CRYBG3: variants seen among roughly 807,000 people sequenced by gnomAD.
The protein encoded by CRYBG3 is very large A-kinase anchor protein.
CRYBG3 carries 127 observed loss-of-function variants against 244.2 expected under a neutral mutation model. The ratio of observed to expected loss-of-function variants is 0.52; its 90% confidence interval spans 0.45 to 0.60. The LOEUF is 0.60. Ranked by LOEUF, CRYBG3 falls within the 20% of genes least tolerant of loss-of-function variation. The probability of loss-of-function intolerance (pLI) is 0.00; values close to 1 mark genes in which losing one functional copy is unlikely to be tolerated. For missense variants in CRYBG3, 3,325 were observed against 3,442.5 expected (o/e 0.97, Z 0.85); for synonymous variants, 1,132 against 1,195.8 (o/e 0.95, Z 1.10).
intron 17 of CRYBG3, among the ~76,000 whole-genome samples, chr3:97,923,922 G>A (rs534040348): frequency 2.0e-5 from 3 of 152,188 alleles, no homozygotes; most frequent in South Asian, 4.2e-4. Context: ...CTTTTAGGGG[G>A]TAGAGGTGGG....
In CRYBG3 at chr3:97,874,163, T is replaced by A; in HGVS notation, c.2969T>A (p.Leu990Ter). The A allele has an allele frequency of 6.5e-7, 1 of 1,531,446 alleles. No individual in the cohort carries two copies. The highest frequency in any genetic ancestry group is 1.2e-5 in the South Asian group (1 of 82,648). 94.9% of individuals were successfully genotyped at this position (1,531,446 alleles called of 1,614,324 possible). The change falls in exon 4 of 22, where the codon TTA (leucine) becomes TAA (stop). Residue 990 changes from leucine (L) to a stop codon, truncating the protein, a stop_gained. Transcript: ENST00000389622. LOFTEE classifies it high-confidence loss of function. ...SGHSEMAELS[L>*]TNISPKFQET... ...CACTCAGAAATGGCGGAACTCAGCT[T>A]AACTAATATTTCCCCTAAATTCCAA... is the stretch of plus-strand genomic sequence containing the variant.
At chr3:97,830,164 G>A (rs192272098) in intron 1 of CRYBG3, among the ~76,000 whole-genome samples, 91 of 152,296 alleles carry the variant, frequency 6.0e-4, no homozygotes, top group Middle Eastern at 3.4e-3. Flanking sequence ...GCCAAGTGCT[G>A]TACTATGGTT....
chr3:97,863,943 GCT>G (rs1228827468), intron 2 of CRYBG3, among the ~76,000 whole-genome samples: 1 of 152,048 alleles, frequency 6.6e-6, no homozygotes, highest in African/African-American at 2.4e-5. Context: ...TACCTTCTGT[GCT>G]CTCACTTCTA....
intron 10 of CRYBG3, among the ~76,000 whole-genome samples, chr3:97,890,912 T>G (rs2039568732): frequency 6.6e-6 from 1 of 152,152 alleles, no homozygotes; most frequent in Non-Finnish European, 1.5e-5. Context: ...ACTATTCCAA[T>G]CCAAATTTGA....
At position 97,892,770 on chromosome 3, in the gene CRYBG3, T is replaced by C. The variant is rs182037022; in HGVS notation, c.7441-90T>C. ...CTCATATTAATTAAAAAAAAATAGATAGTAGTCCCTGTACATTTTGTGGTC... is the reference window on the plus strand; with the variant it reads ...CTCATATTAATTAAAAAAAAATAGACAGTAGTCCCTGTACATTTTGTGGTC... On this transcript the variant is annotated intron_variant, in intron 10 of 21. Coordinates refer to ENST00000389622, the MANE Select transcript of CRYBG3 (RefSeq NM_153605.4). 1.9e-4 allele frequency: 109 copies of C among 588,796 alleles called. No homozygotes were observed. In the Middle Eastern group the frequency reaches 8.5e-3, roughly 46 times the overall value. The allele number at this position is 588,796 out of a possible 1,614,324, so 36.5% of individuals were successfully genotyped here.
At chr3:97,895,836 C>A in intron 11 of CRYBG3, 123 bp from the exon 12 acceptor site, 2 of 789,746 alleles carry the variant, frequency 2.5e-6, no homozygotes, top group Non-Finnish European at 4.0e-6. Context: ...TGAAACAAAA[C>A]TAATGTGTTG....
intron 12 of CRYBG3, among the ~76,000 whole-genome samples, chr3:97,897,728 C>T (rs889618907): frequency 3.3e-5 from 5 of 152,130 alleles, no homozygotes; most frequent in Admixed American, 6.5e-5. Flanking sequence ...GTAAATAATG[C>T]ATTTTTGCAT....
intron 2 of CRYBG3, among the ~76,000 whole-genome samples, chr3:97,849,490 G>A (rs1177687073): frequency 6.6e-6 from 1 of 152,108 alleles, no homozygotes. Flanking sequence ...AATGCGCTGT[G>A]TGTTACTGTG....
chr3:97,872,507 C>G lies in CRYBG3; in HGVS notation c.1313C>G (p.Ser438Cys). The part of the protein sequence containing the change: ...EPQGPAISDF[S>C]CSKSDGSDTT... ...CAGGGCCCTGCTATTTCTGATTTCT[C>G]TTGTAGTAAATCTGATGGGAGTGAC... Residue 438 changes from serine to cysteine, a missense_variant, in exon 4 of 22, where the codon TCT (serine) becomes TGT (cysteine). By Grantham distance (112) the Ser-to-Cys change is moderately radical (BLOSUM62 -1). Transcript: ENST00000389622. 2 of 1,535,946 alleles carry G rather than the reference C, an allele frequency of 1.3e-6. No homozygotes were observed. The highest frequency in any genetic ancestry group is 1.7e-6 in the Non-Finnish European group (2 of 1,146,802).
At chr3:97,930,327 A>C (rs748052928) in intron 17 of CRYBG3, among the ~76,000 whole-genome samples, 1 of 152,020 alleles carries the variant, frequency 6.6e-6, no homozygotes, top group African/African-American at 2.4e-5. Context: ...ACTTTCTAAA[A>C]ATCTTGAGAG....
At chr3:97,865,266 G>A (rs1217290476) in intron 3 of CRYBG3, among the ~76,000 whole-genome samples, 1 of 152,024 alleles carries the variant, frequency 6.6e-6, no homozygotes, top group Non-Finnish European at 1.5e-5. Context: ...TCAATATTTT[G>A]TGTGACATAA....
Position 97,896,045 on chromosome 3 carries a change from C to T in CRYBG3, c.7661C>T (p.Ala2554Val), listed in dbSNP as rs1559736318. The change falls in exon 12 of 22, where the codon GCA becomes GTA. Residue 2554 changes from alanine to valine, a missense_variant. Physicochemically the swap from Ala to Val is moderately conservative, Grantham distance 64. Coordinates refer to ENST00000389622, the MANE Select transcript of CRYBG3 (RefSeq NM_153605.4). ...GDFEDSNACGALSSPILSFRY... is the reference protein window; with the variant it reads ...GDFEDSNACGVLSSPILSFRY... The stretch of plus-strand genomic sequence containing the variant: ...TTTGAAGACAGTAATGCTTGTGGTG[C>T]ATTAAGTAGCCCTATCTTGTCTTTC... 1 of 1,613,068 alleles carries T rather than the reference C, an allele frequency of 6.2e-7. No homozygotes were observed. Among genetic ancestry groups the T allele is most frequent in the Admixed American group, 1.7e-5 (1 of 59,956 alleles).
rs535553685 is a variant in CRYBG3, at chr3:97,943,409, C to T, written c.*95C>T. The T allele has an allele frequency of 4.0e-5, 29 of 727,426 alleles. No individual in the cohort carries two copies. In the South Asian group the frequency reaches 4.4e-4, roughly 11 times the overall value. 45.1% of individuals were successfully genotyped at this position (727,426 alleles called of 1,614,324 possible). A position where few individuals can be genotyped will look rare whatever the true frequency, so the allele number is the denominator to read the frequency against. On this transcript the variant is annotated 3_prime_UTR_variant, in exon 22 of 22. Transcript: ENST00000389622. ...GACGTGGAAAGGAAGCTACTGTCCT[C>T]ACACTCCTGGATCACTGAGCAGAAT...
At chr3:97,923,465 A>G (rs1054561344) in intron 17 of CRYBG3, among the ~76,000 whole-genome samples, 8 of 152,116 alleles carry the variant, frequency 5.3e-5, no homozygotes, top group Non-Finnish European at 1.0e-4. Flanking sequence ...CTTACAGTAA[A>G]CATCACACTT....
Position 97,877,143 on chromosome 3 carries a change from A to G in CRYBG3, c.5949A>G (p.Gly1983=). The change falls in exon 4 of 22, where the codon GGA becomes GGG. Residue 1983 remains glycine (G), a synonymous_variant. Transcript: ENST00000389622. ...GAGAGACAGATTATAGTGACAAAGG[A>G]TATAATTTAGCTTTTGTTTCTCAAG... ...KRRETDYSDK[G]YNLAFVSQDE... The G allele has an allele frequency of 6.2e-7, 1 of 1,613,848 alleles. No individual in the cohort carries two copies. The highest frequency in any genetic ancestry group is 8.5e-7 in the Non-Finnish European group (1 of 1,179,766).
chr3:97,839,967 T>C (rs1466165999), intron 1 of CRYBG3, among the ~76,000 whole-genome samples: 1 of 152,050 alleles, frequency 6.6e-6, no homozygotes, highest in African/African-American at 2.4e-5. Flanking sequence ...GGCTCTGGGA[T>C]CTTCTGAATT....
At chr3:97,911,545 T>C (rs1453001264) in intron 15 of CRYBG3, among the ~76,000 whole-genome samples, 1 of 152,228 alleles carries the variant, frequency 6.6e-6, no homozygotes, top group Non-Finnish European at 1.5e-5. Context: ...GCCTGTAAGC[T>C]GAAATACATA....
chr3:97,856,235 C>T (rs1056787278), intron 2 of CRYBG3, among the ~76,000 whole-genome samples: 2 of 152,186 alleles, frequency 1.3e-5, no homozygotes, highest in Non-Finnish European at 2.9e-5. Context: ...TTCCGCCCAG[C>T]TCACCAGCGG....
At chr3:97,836,689 G>A (rs1196920401) in intron 1 of CRYBG3, among the ~76,000 whole-genome samples, 1 of 152,132 alleles carries the variant, frequency 6.6e-6, no homozygotes, top group African/African-American at 2.4e-5. Context: ...AGGGTGTGAG[G>A]ATGAAGTCCT....
Sources: gnomAD v4.1 joint callset for allele counts (sites outside exome capture counted in the v4.1 genomes callset) on GRCh38, gnomAD v4.1.1 for gene constraint, MANE v1.5 for transcripts, NCBI Gene and HGNC (gene_info 2026-07-23, HGNC 2026-07-21) for gene names.